Variants in NEB observed in about 807,000 individuals in gnomAD.
NEB encodes nemaline myopathy type 2.
In NEB, 512 loss-of-function variants were observed where a neutral mutation model predicts 952.2. That is an observed-to-expected ratio of 0.54 (90% confidence interval 0.50 to 0.58). NEB has a LOEUF of 0.58. Ranked by LOEUF, NEB falls within the 20% of genes least tolerant of loss-of-function variation. The probability of loss-of-function intolerance (pLI) is 0.00; values close to 1 mark genes in which losing one functional copy is unlikely to be tolerated. For synonymous variants in NEB, 2,900 were observed against 3,149.8 expected (o/e 0.92, Z 2.66); for missense variants, 8,428 against 9,231.1 (o/e 0.91, Z 3.56).
intron 106 of NEB, 53 bp from the exon 107 acceptor site, chr2:151,575,852 G>GT: frequency 4.2e-6 from 5 of 1,200,346 alleles, no homozygotes; most frequent in Non-Finnish European, 6.2e-6. Flanking sequence ...CATGTTGCTA[G>GT]TCCCACTATG....
At chr2:151,567,123 G>A in intron 114 of NEB, 45 bp downstream of exon 114, 1 of 1,462,194 alleles carries the variant, frequency 6.8e-7, no homozygotes, top group Non-Finnish European at 9.3e-7. Flanking sequence ...CATTCTCAGA[G>A]TGTACCATGC....
intron 75 of NEB, 145 bp downstream of exon 75, chr2:151,617,219 T>C (rs1031989482): frequency 7.7e-6 from 4 of 521,328 alleles, no homozygotes; most frequent in Admixed American, 3.4e-5. Context: ...AAGCTCAAAA[T>C]TGAATCAAGT....
intron 5 of NEB, 36 bp downstream of exon 5, chr2:151,727,655 A>G: frequency 6.3e-7 from 1 of 1,578,848 alleles, no homozygotes; most frequent in Non-Finnish European, 8.7e-7. Flanking sequence ...TTTCTTAATA[A>G]TCAAGCCAGG....
intron 13 of NEB, among the ~76,000 whole-genome samples, chr2:151,704,748 C>G (rs895632130): frequency 6.6e-6 from 1 of 152,186 alleles, no homozygotes; most frequent in African/African-American, 2.4e-5. Context: ...CACTGACCTG[C>G]GCCCACTGTC....
At chr2:151,621,091 C>G in intron 71 of NEB, 65 bp from the exon 72 acceptor site, 1 of 1,337,010 alleles carries the variant, frequency 7.5e-7, no homozygotes, top group Non-Finnish European at 1.0e-6. Context: ...ATATTTTCTG[C>G]CAAAGGAAGA....
chr2:151,680,061 A>G (rs753592387), intron 30 of NEB, 39 bp from the exon 31 acceptor site: 2 of 1,433,226 alleles, frequency 1.4e-6, no homozygotes, highest in East Asian at 2.3e-5. Flanking sequence ...CAAATAAAGT[A>G]GAAAGAAAAT....
chr2:151,665,006 AG>A, intron 42 of NEB, 143 bp from the exon 43 acceptor site: 1 of 698,778 alleles, frequency 1.4e-6, no homozygotes, highest in South Asian at 2.0e-5. Flanking sequence ...AGATGGGCCA[AG>A]TAAACTAAAT....
intron 117 of NEB, among the ~76,000 whole-genome samples, chr2:151,564,133 TTTTTATTTTATTTTA>T (rs959239059): frequency 2.0e-5 from 3 of 152,022 alleles, no homozygotes; most frequent in Non-Finnish European, 4.4e-5. Context: ...GGCATTTTAT[TTTTTATTTTATTTTA>T]TTTTATTTTA....
At chr2:151,605,227 G>T (rs1416786956) in intron 84 of NEB, among the ~76,000 whole-genome samples, 4 of 130,102 alleles carry the variant, frequency 3.1e-5, no homozygotes, top group Non-Finnish European at 6.9e-5. Context: ...TCATTGACTG[G>T]TGGCAATTAT....
intron 64 of NEB, among the ~76,000 whole-genome samples, chr2:151,634,724 A>T (rs779597542): frequency 3.5e-4 from 53 of 152,116 alleles, no homozygotes; most frequent in Non-Finnish European, 7.1e-4. Context: ...ACCGAGGAGA[A>T]TTTATTATTA....
chr2:151,715,672 G>T (rs556704549), intron 10 of NEB, among the ~76,000 whole-genome samples: 53 of 152,238 alleles, frequency 3.5e-4, no homozygotes, highest in Non-Finnish European at 7.2e-4. Flanking sequence ...CTGAATCCGT[G>T]ATCTTAGACT....
intron 10 of NEB, among the ~76,000 whole-genome samples, chr2:151,713,468 C>A (rs2099750759): frequency 6.6e-6 from 1 of 152,136 alleles, no homozygotes; most frequent in South Asian, 2.1e-4. Context: ...GAAGAATTTC[C>A]ATGGTTTTAG....
rs2094863472 is a variant in NEB at position 151,547,515 on chromosome 2, A to T, written c.20281T>A (p.Phe6761Ile). 3.7e-6 allele frequency: 6 copies of T among 1,605,962 alleles called. No individual in the cohort carries two copies. In the South Asian group the frequency reaches 5.6e-5, roughly 15 times the overall value. ...AVSELIYKSD[F>I]FKMQGHMISL... ...ATCATGTGGCCCTGCATCTTGAAGA[A>T]GTCTGATTTGTAGATCAACTAAAGA... is the stretch of plus-strand genomic sequence containing the variant. The change falls in exon 133 of 182, where the codon TTC becomes ATC. Residue 6761 changes from phenylalanine (F) to isoleucine (I), a missense_variant. Physicochemically the swap from Phe to Ile is conservative, Grantham distance 21. This residue lies in a region of NEB where 3,374 missense variants were observed against 3,651.5 expected (regional missense o/e 0.92). Transcript: ENST00000397345.
intron 54 of NEB, among the ~76,000 whole-genome samples, chr2:151,649,382 T>A (rs1053021640): frequency 7.9e-5 from 12 of 152,154 alleles, no homozygotes; most frequent in African/African-American, 2.9e-4. Flanking sequence ...ATGATATATG[T>A]AAAGTGTATA....
intron 144 of NEB, 141 bp downstream of exon 144, chr2:151,531,651 C>T: frequency 1.5e-6 from 1 of 685,032 alleles, no homozygotes; most frequent in Admixed American, 2.2e-5. Flanking sequence ...GAATCCTGTG[C>T]ATAACAGGAC....
rs751111521 is a variant in NEB, at chr2:151,499,375, TTTC to T, written c.24034_24036del (p.Glu8012del). On this transcript the variant is annotated inframe_deletion, in exon 169 of 182. Coordinates refer to ENST00000397345, the MANE Select transcript of NEB (RefSeq NM_001164508.2). The stretch of plus-strand genomic sequence containing the variant: ...GGGATTGGAATCCCTTTTCCAACGT[TTTC>T]TTTATACAACACCTGTATGACACAA... The T allele has an allele frequency of 6.5e-7, 1 of 1,540,950 alleles. No individual in the cohort carries two copies. Among genetic ancestry groups the T allele is most frequent in the South Asian group, 1.2e-5 (1 of 83,726 alleles).
rs1320711048 is a variant in NEB, at chr2:151,672,531, G to T, written c.4137C>A (p.Thr1379=). Residue 1379 remains threonine, a synonymous_variant, in exon 37 of 182, where the codon ACC becomes ACA. Coordinates refer to ENST00000397345, the MANE Select transcript of NEB (RefSeq NM_001164508.2). Reference sequence around the variant, plus strand: ...CCATGTCCCCAGGGGTATGGTAGCTGGTTTTGGTGTTCTCATAGTTCTTCT... The same window carrying T: ...CCATGTCCCCAGGGGTATGGTAGCTTGTTTTGGTGTTCTCATAGTTCTTCT... ...EYKKNYENTK[T]SYHTPGDMVS... 16 of 1,613,844 alleles carry T rather than the reference G, an allele frequency of 9.9e-6. No individual in the cohort carries two copies. In the Admixed American group the frequency reaches 2.2e-4, roughly 22 times the overall value.
At chr2:151,611,024 G>C (rs1463876367) in intron 78 of NEB, among the ~76,000 whole-genome samples, 158 bp from the exon 79 acceptor site, 1 of 152,202 alleles carries the variant, frequency 6.6e-6, no homozygotes, top group Non-Finnish European at 1.5e-5. Context: ...AAGCAAAAGA[G>C]TCATGGGGAA....
intron 145 of NEB, among the ~76,000 whole-genome samples, chr2:151,530,383 C>T (rs778311618): frequency 1.3e-5 from 2 of 151,968 alleles, no homozygotes; most frequent in Non-Finnish European, 2.9e-5. Flanking sequence ...ATTTCAGGGT[C>T]GAGGGCCTCG....
Sources: allele counts gnomAD v4.1 joint callset (sites outside exome capture counted in the v4.1 genomes callset), GRCh38; gene constraint gnomAD v4.1.1; regional missense constraint gnomAD v4.1.1; transcripts MANE v1.5; gene names NCBI Gene and HGNC (gene_info 2026-07-23, HGNC 2026-07-21).